GMCL1: variants seen among roughly 807,000 people sequenced by gnomAD.
GMCL1 encodes germ cell-less 1, spermatogenesis associated.
GMCL1 carries 54 observed loss-of-function variants against 75.5 expected under a neutral mutation model. The ratio of observed to expected loss-of-function variants is 0.71; its 90% CI spans 0.57 to 0.90. The LOEUF (loss-of-function observed/expected upper bound fraction) is 0.90, where lower values mean the gene tolerates loss of function less well. Among genes scored for constraint, GMCL1 ranks in the 40% least tolerant of loss-of-function variants. GMCL1 has a pLI of 0.00. For synonymous variants in GMCL1, 210 were observed against 209.6 expected, an observed-to-expected ratio of 1.00 and a Z score of -0.02; for missense variants, 537 against 622.7, an observed-to-expected ratio of 0.86 and a Z score of 1.47.
At position 69,879,122 on chromosome 2, in the gene GMCL1, A is replaced by C; in HGVS notation, c.*118A>C. On this transcript the variant is annotated 3_prime_UTR_variant, in exon 14 of 14. Transcript: ENST00000282570. ...AATGGCCCTACTGATATTCACATCG[A>C]AGGTGACTAACAATGACAAAGGCCT... The C allele has an allele frequency of 3.1e-6, 2 of 643,304 alleles. No homozygotes were observed. The highest frequency in any genetic ancestry group is 5.4e-5 in the East Asian group (2 of 36,886). The allele number at this position is 643,304 out of a possible 1,614,324, so 39.8% of individuals were successfully genotyped here.
At chr2:69,844,463 C>A (rs1184007975) in intron 6 of GMCL1, 1 of 238,966 alleles carries the variant, frequency 4.2e-6, no homozygotes. Context: ...CAGGTTTTGC[C>A]AGGCTGTTAG....
chr2:69,844,313 T>C (rs1190486524), intron 6 of GMCL1, 117 bp downstream of exon 6: 2 of 575,636 alleles, frequency 3.5e-6, no homozygotes, highest in Non-Finnish European at 6.2e-6. Flanking sequence ...GCAAACAATT[T>C]AATGAAAGGG....
chr2:69,877,706 TTGTG>T (rs10549628), intron 13 of GMCL1, among the ~76,000 whole-genome samples: 34,385 of 149,718 alleles, frequency 0.23, 4,177 homozygotes, highest in East Asian at 0.36. Flanking sequence ...GATTGTGTGT[TTGTG>T]TGTGTGTGTG....
chr2:69,874,698 G>C (rs965763505), intron 13 of GMCL1, among the ~76,000 whole-genome samples: 4 of 148,946 alleles, frequency 2.7e-5, no homozygotes, highest in Admixed American at 2.7e-4. Flanking sequence ...ATTTTTAACA[G>C]CTTTTATATA....
intron 8 of GMCL1, among the ~76,000 whole-genome samples, chr2:69,853,629 G>A (rs1675382360): frequency 6.6e-6 from 1 of 152,122 alleles, no homozygotes; most frequent in Non-Finnish European, 1.5e-5. Context: ...TCGTTTAACA[G>A]AAAACATAGA....
chr2:69,877,706 TTG>T (rs10549628), intron 13 of GMCL1, among the ~76,000 whole-genome samples: 63,211 of 149,708 alleles, frequency 0.42, 13,541 homozygotes, highest in Middle Eastern at 0.56. Flanking sequence ...GATTGTGTGT[TTG>T]TGTGTGTGTG....
Position 69,843,152 on chromosome 2 carries a change from G to A in GMCL1, c.583G>A (p.Gly195Ser), listed in dbSNP as rs764631481. 8.8e-6 allele frequency: 14 copies of A among 1,594,022 alleles called. No homozygotes were observed. The highest frequency in any genetic ancestry group is 6.7e-5 in the Admixed American group (4 of 59,750). Residue 195 changes from glycine (G) to serine (S), a missense_variant, in exon 5 of 14, where the codon GGT becomes AGT. Physicochemically the swap from Gly to Ser is moderately conservative, Grantham distance 56. This residue lies in a region of GMCL1 where 345 missense variants were observed against 410.5 expected (regional missense o/e 0.84). Coordinates refer to ENST00000282570, the MANE Select transcript of GMCL1 (RefSeq NM_178439.5). ...LAAACLLQLD[G>S]LIQQCGETMK... ...CAGTGCTTATTTATATTTACAGGAC[G>A]GTTTAATACAGCAGTGTGGTGAGAC...
intron 11 of GMCL1, among the ~76,000 whole-genome samples, chr2:69,868,492 C>T (rs1558550672): frequency 6.6e-6 from 1 of 152,034 alleles, no homozygotes; most frequent in Non-Finnish European, 1.5e-5. Context: ...AACTCGTGAA[C>T]CCCATGATGA....
At chr2:69,840,696 C>T (rs1371417761) in intron 3 of GMCL1, among the ~76,000 whole-genome samples, 1 of 152,164 alleles carries the variant, frequency 6.6e-6, no homozygotes, top group African/African-American at 2.4e-5. Context: ...GTCAAGATTA[C>T]ATGTTAGAAG....
At chr2:69,866,944 TTTTC>T (rs1675833691) in intron 11 of GMCL1, among the ~76,000 whole-genome samples, 1 of 148,658 alleles carries the variant, frequency 6.7e-6, no homozygotes, top group African/African-American at 2.5e-5. Context: ...CTTTCTTTTC[TTTTC>T]TTTCTTTTTT....
In GMCL1 at chr2:69,880,194, T is replaced by C. The variant is rs1159964910; in HGVS notation, c.*1190T>C. 2 of 152,182 alleles carry C rather than the reference T, an allele frequency of 1.3e-5. No homozygotes were observed. Among genetic ancestry groups the C allele is most frequent in the East Asian group, 1.9e-4 (1 of 5,202 alleles). The allele number at this position is 152,182 out of a possible 1,614,324, so 9.4% of individuals were successfully genotyped here. A position where few individuals can be genotyped will look rare whatever the true frequency, so the allele number is the denominator to read the frequency against. On this transcript the variant is annotated 3_prime_UTR_variant, in exon 14 of 14. Coordinates refer to ENST00000282570, the MANE Select transcript of GMCL1 (RefSeq NM_178439.5). The stretch of plus-strand genomic sequence containing the variant: ...CTGTGGTTAATGTATATTTTTATTA[T>C]GGTTTTTAAAATGGGAATCATTTTT...
rs148157183 is a variant in GMCL1 at position 69,866,507 on chromosome 2, C to T, written c.1218+1532C>T. Among the ~76,000 whole-genome samples, 712 of 152,226 alleles carry T rather than the reference C, an allele frequency of 4.7e-3. 6 individuals are homozygous for T. Among genetic ancestry groups the T allele is most frequent in the South Asian group, 0.035 (168 of 4,828 alleles). On this transcript the variant is annotated intron_variant, in intron 11 of 13. Transcript: ENST00000282570. ...ACTGATGGACAGTGTCTCACTGTGT[C>T]GCCCAGGTTGGAGTGCAGTGGCACA... is the stretch of plus-strand genomic sequence containing the variant.
At chr2:69,862,650 T>C (rs1675688008) in intron 10 of GMCL1, among the ~76,000 whole-genome samples, 1 of 151,858 alleles carries the variant, frequency 6.6e-6, no homozygotes, top group African/African-American at 2.4e-5. Context: ...TCCCAGCTAC[T>C]CAGGAGGCTG....
intron 6 of GMCL1, 107 bp downstream of exon 6, chr2:69,844,303 G>A: frequency 1.6e-6 from 1 of 613,238 alleles, no homozygotes; most frequent in Non-Finnish European, 2.8e-6. Context: ...TTATGAAAAA[G>A]CAAACAATTT....
chr2:69,855,899 C>T (rs1319339010), intron 9 of GMCL1, among the ~76,000 whole-genome samples: 1 of 152,142 alleles, frequency 6.6e-6, no homozygotes, highest in African/African-American at 2.4e-5. Flanking sequence ...CCTTTTAAGG[C>T]TTTTTGCAAA....
rs918250538 is a variant in GMCL1 at position 69,881,002 on chromosome 2, CTT to C, written c.*1999_*2000del. On this transcript the variant is annotated 3_prime_UTR_variant, in exon 14 of 14. Coordinates refer to ENST00000282570, the MANE Select transcript of GMCL1 (RefSeq NM_178439.5). ...TATTGAAAAATATATAAATTCCAAA[CTT>C]AAATTATTTGGATAATTAAGTTTTT... 5 of 152,086 alleles carry C rather than the reference CTT, an allele frequency of 3.3e-5. No homozygotes were observed. The highest frequency in any genetic ancestry group is 1.2e-4 in the African/African-American group (5 of 41,410). The allele number at this position is 152,086 out of a possible 1,614,324, so 9.4% of individuals were successfully genotyped here.
At chr2:69,840,847 G>A in intron 3 of GMCL1, 95 bp from the exon 4 acceptor site, 1 of 729,572 alleles carries the variant, frequency 1.4e-6, no homozygotes. Flanking sequence ...TTAGACGGAT[G>A]TCTTTGTGTG....
intron 3 of GMCL1, among the ~76,000 whole-genome samples, chr2:69,840,409 CAAA>C (rs1209858265): frequency 2.4e-5 from 3 of 124,960 alleles, no homozygotes; most frequent in South Asian, 2.5e-4. Flanking sequence ...GACTCCATCT[CAAA>C]AAAAAAAAAA....
chr2:69,845,310 A>G (rs916540969), intron 6 of GMCL1, among the ~76,000 whole-genome samples: 4 of 152,212 alleles, frequency 2.6e-5, no homozygotes, highest in Admixed American at 6.5e-5. Flanking sequence ...CCTGTGGACT[A>G]TGTAGTCCAA....
Sources: gnomAD v4.1 joint callset for allele counts (sites outside exome capture counted in the v4.1 genomes callset) on GRCh38, gnomAD v4.1.1 for gene constraint, gnomAD v4.1.1 regional missense constraint, MANE v1.5 for transcripts, NCBI Gene and HGNC (gene_info 2026-07-23, HGNC 2026-07-21) for gene names.